The following PCDHGB3 variants were observed in gnomAD, a reference collection of about 807,000 sequenced individuals.
The protein encoded by PCDHGB3 is protocadherin gamma-B3.
PCDHGB3 carries 40 observed loss-of-function variants against 59.2 expected under a neutral mutation model. That is an observed-to-expected ratio of 0.68 (90% CI 0.52 to 0.88). PCDHGB3 has a LOEUF of 0.88. Among genes scored for constraint, PCDHGB3 ranks in the 40% least tolerant of loss-of-function variants. PCDHGB3 has a pLI of 0.00. For synonymous variants in PCDHGB3, 581 were observed against 503.6 expected (o/e 1.15, Z -2.06); for missense variants, 1,309 against 1,187.9 (o/e 1.10, Z -1.50).
At chr5:141,389,114 C>T in intron 1 of PCDHGB3, 2 of 1,614,004 alleles carry the variant, frequency 1.2e-6, no homozygotes, top group Non-Finnish European at 1.7e-6. Context: ...TTCTAGACCG[C>T]GAGCAGAATC....
chr5:141,486,140 C>T lies in PCDHGB3; in HGVS notation c.2416-8667C>T, dbSNP rs759476505. On this transcript the variant is annotated intron_variant, in intron 1 of 3. Coordinates refer to ENST00000576222, the MANE Select transcript of PCDHGB3 (RefSeq NM_018924.5). The surrounding 1 kb of genome is among the most constrained non-coding windows in gnomAD (Gnocchi z 5.0). ...TTACTATGAATTTGATGTGCGGGCT[C>T]GCGATGGGGGTTCTCCAGCCATGGA... 1 of 1,614,164 alleles carries T rather than the reference C, an allele frequency of 6.2e-7. No individual in the cohort carries two copies. The highest frequency in any genetic ancestry group is 1.3e-5 in the African/African-American group (1 of 75,030).
In PCDHGB3 at chr5:141,487,930, G is replaced by T; in HGVS notation, c.2416-6877G>T. On this transcript the variant is annotated intron_variant, in intron 1 of 3. Coordinates refer to ENST00000576222, the MANE Select transcript of PCDHGB3 (RefSeq NM_018924.5). This position sits in a 1 kb window ranked among gnomAD's most constrained non-coding sequence, Gnocchi z 5.0. Reference sequence around the variant, plus strand: ...GAGCACAGGAGGCTACAGTGCACAGGGTACAGTGCACCAGGCAGTCACTTG... The same window carrying T: ...GAGCACAGGAGGCTACAGTGCACAGTGTACAGTGCACCAGGCAGTCACTTG... 2 of 613,220 alleles carry T rather than the reference G, an allele frequency of 3.3e-6. No homozygotes were observed. Among genetic ancestry groups the T allele is most frequent in the African/African-American group, 1.8e-5 (1 of 54,186 alleles). 38.0% of individuals were successfully genotyped at this position (613,220 alleles called of 1,614,324 possible).
chr5:141,427,391 A>G (rs942653386), intron 1 of PCDHGB3: 3 of 459,818 alleles, frequency 6.5e-6, no homozygotes, highest in Non-Finnish European at 1.3e-5. Context: ...TGTTCAAAAC[A>G]CATGATAAAG....
chr5:141,468,749 C>G (rs1237051053), intron 1 of PCDHGB3, among the ~76,000 whole-genome samples: 1 of 151,962 alleles, frequency 6.6e-6, no homozygotes, highest in Non-Finnish European at 1.5e-5. Context: ...GCCTGTAGTC[C>G]CAGCTACTCG....
At chr5:141,427,692 C>A in intron 1 of PCDHGB3, 1 of 903,150 alleles carries the variant, frequency 1.1e-6, no homozygotes, top group Non-Finnish European at 1.8e-6. Context: ...AGCCTCCATC[C>A]CACAAGTCAG....
intron 1 of PCDHGB3, among the ~76,000 whole-genome samples, chr5:141,444,257 C>T (rs376980362): frequency 1.2e-4 from 18 of 147,512 alleles, no homozygotes; most frequent in East Asian, 6.0e-4. Context: ...CTGCAACCTC[C>T]GCCTCCCAGG....
chr5:141,374,944 G>A (rs1405459227), intron 1 of PCDHGB3: 6 of 1,614,018 alleles, frequency 3.7e-6, no homozygotes, highest in Non-Finnish European at 5.1e-6. Context: ...TTACAGAAAA[G>A]ATCTCACAAA....
chr5:141,440,918 A>C (rs2154559108), intron 1 of PCDHGB3: 1 of 152,384 alleles, frequency 6.6e-6, no homozygotes, highest in Admixed American at 6.5e-5. Context: ...TCCTGTGCTG[A>C]GAGTGAGGGC....
At position 141,413,304 on chromosome 5, in the gene PCDHGB3, A is replaced by T; in HGVS notation, c.2415+40495A>T. The T allele has an allele frequency of 1.9e-6, 3 of 1,613,982 alleles. No individual in the cohort carries two copies. The Admixed American group carries it at 5.0e-5, about 27-fold the overall frequency. On this transcript the variant is annotated intron_variant, in intron 1 of 3. Transcript: ENST00000576222. Reference sequence around the variant, plus strand: ...TCTCCTACTCAATTCCTGAGGAATTAGAGAAAGGCTCTTTCGTGGGCAACA... The same window carrying T: ...TCTCCTACTCAATTCCTGAGGAATTTGAGAAAGGCTCTTTCGTGGGCAACA...
At chr5:141,421,257 C>T (rs944057868) in intron 1 of PCDHGB3, 1 of 1,608,520 alleles carries the variant, frequency 6.2e-7, no homozygotes, top group African/African-American at 1.3e-5. Context: ...GCGGGGACCG[C>T]AGTCGGCTGC....
In PCDHGB3 at chr5:141,491,091, A is replaced by T; in HGVS notation, c.2416-3716A>T. ...TGTTGCCACAGTCCACAGCCCCAGG[A>T]CTGTTCCTCGTGTCTACACACACTG... On this transcript the variant is annotated intron_variant, in intron 1 of 3. Transcript: ENST00000576222. This position sits in a 1 kb window ranked among gnomAD's most constrained non-coding sequence, Gnocchi z 6.9. The T allele has an allele frequency of 6.2e-7, 1 of 1,614,032 alleles. No individual in the cohort carries two copies. Among genetic ancestry groups the T allele is most frequent in the Non-Finnish European group, 8.5e-7 (1 of 1,180,000 alleles).
chr5:141,485,826 G>A lies in PCDHGB3; in HGVS notation c.2416-8981G>A. The A allele has an allele frequency of 6.2e-7, 1 of 1,614,070 alleles. No individual in the cohort carries two copies. Among genetic ancestry groups the A allele is most frequent in the South Asian group, 1.1e-5 (1 of 91,078 alleles). Reference sequence around the variant, plus strand: ...CTGGTGCTGACTGCTGTCGATGGAGGGAACCCGCCGAGATCTGGCACCGCA... The same window carrying A: ...CTGGTGCTGACTGCTGTCGATGGAGAGAACCCGCCGAGATCTGGCACCGCA... On this transcript the variant is annotated intron_variant, in intron 1 of 3. Transcript: ENST00000576222. The surrounding 1 kb of genome is among the most constrained non-coding windows in gnomAD (Gnocchi z 5.7).
intron 1 of PCDHGB3, chr5:141,404,513 G>A: frequency 1.2e-6 from 2 of 1,613,786 alleles, no homozygotes; most frequent in Non-Finnish European, 1.7e-6. Context: ...GTGCTCCTTT[G>A]ACTATGAGCA....
At chr5:141,388,324 A>T in intron 1 of PCDHGB3, 1 of 1,613,978 alleles carries the variant, frequency 6.2e-7, no homozygotes, top group East Asian at 2.2e-5. Flanking sequence ...GAGTCTGCAC[A>T]GCCTGGCACA....
chr5:141,420,918 C>T (rs2096532512), intron 1 of PCDHGB3: 1 of 331,946 alleles, frequency 3.0e-6, no homozygotes, highest in South Asian at 6.4e-5. Flanking sequence ...GTGTGATTCA[C>T]AAAGGTGAGC....
chr5:141,495,386 G>C (rs2099760934), intron 2 of PCDHGB3, among the ~76,000 whole-genome samples: 1 of 152,214 alleles, frequency 6.6e-6, no homozygotes, highest in Non-Finnish European at 1.5e-5. Context: ...GGACTGGGCG[G>C]GGCATGGAGC....
At chr5:141,427,617 G>A (rs1295636754) in intron 1 of PCDHGB3, 3 of 694,694 alleles carry the variant, frequency 4.3e-6, no homozygotes, top group Admixed American at 2.0e-5. Flanking sequence ...TGAAGTCAAC[G>A]ACAATGCTCC....
intron 1 of PCDHGB3, chr5:141,420,084 A>G (rs1454284559): frequency 2.5e-6 from 4 of 1,613,890 alleles, no homozygotes; most frequent in African/African-American, 1.3e-5. Context: ...GGTCCCCCCA[A>G]CTACAGTGAG....
At chr5:141,386,384 A>G (rs1033532471) in intron 1 of PCDHGB3, among the ~76,000 whole-genome samples, 6 of 152,220 alleles carry the variant, frequency 3.9e-5, no homozygotes, top group Non-Finnish European at 8.8e-5. Flanking sequence ...TATTAATTAA[A>G]AACACACTTT....
Sources: allele counts gnomAD v4.1 joint callset (sites outside exome capture counted in the v4.1 genomes callset), GRCh38; gene constraint gnomAD v4.1.1; non-coding constraint Gnocchi (gnomAD v3.1); transcripts MANE v1.5; gene names NCBI Gene and HGNC (gene_info 2026-07-23, HGNC 2026-07-21).